CLDN10: variants seen among roughly 807,000 people sequenced by gnomAD.
CLDN10 encodes the protein claudin 10.
Under a neutral mutation model 22.9 loss-of-function variants are expected in CLDN10, and 15 were observed. The observed-to-expected ratio is 0.65, with a 90% CI of 0.44 to 1.01. The LOEUF (loss-of-function observed/expected upper bound fraction) is 1.01, where lower values mean the gene tolerates loss of function less well. Among genes scored for constraint, CLDN10 ranks in the 50% least tolerant of loss-of-function variants. The pLI is 0.00. For missense variants in CLDN10, 247 were observed against 287.8 expected, an observed-to-expected ratio of 0.86 and a Z score of 1.03; for synonymous variants, 114 against 111.4, an observed-to-expected ratio of 1.02 and a Z score of -0.15.
chr13:95,478,182 C>G (rs919877883), intron 1 of CLDN10, among the ~76,000 whole-genome samples: 7 of 152,104 alleles, frequency 4.6e-5, no homozygotes, highest in Admixed American at 3.3e-4. Context: ...GTGGTGCATG[C>G]CTGTAGTCCC....
intron 1 of CLDN10, among the ~76,000 whole-genome samples, chr13:95,558,002 T>C (rs1371556663): frequency 6.6e-6 from 1 of 152,162 alleles, no homozygotes; most frequent in East Asian, 1.9e-4. Flanking sequence ...TGGAAGTAAC[T>C]AAAGGCAATG....
intron 1 of CLDN10, among the ~76,000 whole-genome samples, chr13:95,480,852 A>G (rs1192832055): frequency 6.6e-6 from 1 of 152,234 alleles, no homozygotes; most frequent in African/African-American, 2.4e-5. Flanking sequence ...GAAGTTATCT[A>G]TCAAGTGAAT....
At chr13:95,458,898 G>A (rs2139086730) in intron 1 of CLDN10, among the ~76,000 whole-genome samples, 1 of 152,306 alleles carries the variant, frequency 6.6e-6, no homozygotes, top group South Asian at 2.1e-4. Flanking sequence ...CTATGAGCCT[G>A]TAAAATCAAA....
intron 3 of CLDN10, among the ~76,000 whole-genome samples, chr13:95,565,166 G>C (rs2043768676): frequency 6.6e-6 from 1 of 151,588 alleles, no homozygotes; most frequent in South Asian, 2.1e-4. Flanking sequence ...TCTAGTAATG[G>C]GTACTCCTTA....
chr13:95,460,310 C>G (rs906108420), intron 1 of CLDN10, among the ~76,000 whole-genome samples: 1 of 152,300 alleles, frequency 6.6e-6, no homozygotes, highest in East Asian at 1.9e-4. Context: ...TTACAGGTAT[C>G]TTTATAGCAG....
chr13:95,565,397 T>G (rs1371889448), intron 3 of CLDN10, among the ~76,000 whole-genome samples: 1 of 152,204 alleles, frequency 6.6e-6, no homozygotes, highest in African/African-American at 2.4e-5. Context: ...ATTGTTGTCT[T>G]AGACTTATTC....
At chr13:95,569,565 C>T (rs995718446) in intron 3 of CLDN10, among the ~76,000 whole-genome samples, 1 of 151,912 alleles carries the variant, frequency 6.6e-6, no homozygotes, top group African/African-American at 2.4e-5. Context: ...GCCTGGGCAA[C>T]AGAGGGAGTG....
At chr13:95,433,814 A>G in exon 1 of CLDN10, 5 of 1,612,864 alleles carry the variant, frequency 3.1e-6, no homozygotes, top group Non-Finnish European at 2.5e-6. Context: ...GGACAGTGTC[A>G]CTGGAGAAGG....
intron 1 of CLDN10, among the ~76,000 whole-genome samples, chr13:95,437,521 T>C (rs2042283520): frequency 6.6e-6 from 1 of 152,176 alleles, no homozygotes; most frequent in Non-Finnish European, 1.5e-5. Flanking sequence ...CCAAGAAGCA[T>C]GGCTGCAGTG....
chr13:95,504,785 A>G (rs537516297), intron 1 of CLDN10, among the ~76,000 whole-genome samples: 2 of 151,774 alleles, frequency 1.3e-5, no homozygotes, highest in Admixed American at 6.6e-5. Context: ...TGATCCCCCC[A>G]CCTCAGCCTC....
rs143780464 is a variant in CLDN10 at position 95,487,017 on chromosome 13, G to A, written c.214+52970G>A. Among the ~76,000 whole-genome samples the A allele has an allele frequency of 3.5e-3, 538 of 152,284 alleles. 3 individuals are homozygous for A. The highest frequency in any genetic ancestry group is 0.012 in the East Asian group (62 of 5,184). The stretch of plus-strand genomic sequence containing the variant: ...TGCTATCGTCTTTGTGTTGTGTTTC[G>A]CACGGATTTGAACTGTCCGTGTCCA... On this transcript the variant is annotated intron_variant, in intron 1 of 4. Coordinates refer to the CLDN10 transcript ENST00000376873.
intron 1 of CLDN10, among the ~76,000 whole-genome samples, chr13:95,518,669 A>T (rs1313565476): frequency 6.6e-6 from 1 of 152,112 alleles, no homozygotes; most frequent in African/African-American, 2.4e-5. Context: ...TGAGACACAA[A>T]AATTGCTTGA....
chr13:95,552,585 A>C, upstream of CLDN10: 5 of 709,288 alleles, frequency 7.0e-6, no homozygotes, highest in Non-Finnish European at 8.3e-6. Flanking sequence ...GGGACAGGGC[A>C]TGGGTGTGAG....
intron 1 of CLDN10, among the ~76,000 whole-genome samples, chr13:95,475,153 CGGATCAGA>C (rs3049448): frequency 0.45 from 68,568 of 151,466 alleles, 15,513 homozygotes; most frequent in Middle Eastern, 0.52. Flanking sequence ...TCCCACAACT[CGGATCAGA>C]GGATCAGACG....
chr13:95,512,755 G>C (rs552771720), intron 1 of CLDN10, among the ~76,000 whole-genome samples: 1 of 152,162 alleles, frequency 6.6e-6, no homozygotes, highest in African/African-American at 2.4e-5. Flanking sequence ...AACCCTATAG[G>C]CTTCCTTAGG....
chr13:95,444,419 T>G (rs2042352820), intron 1 of CLDN10, among the ~76,000 whole-genome samples: 1 of 152,234 alleles, frequency 6.6e-6, no homozygotes, highest in South Asian at 2.1e-4. Context: ...GGCAAATCAT[T>G]CAGCAGATTC....
At chr13:95,550,296 AG>A (rs1334327192), upstream of CLDN10, among the ~76,000 whole-genome samples, 3 of 152,358 alleles carry the variant, frequency 2.0e-5, no homozygotes, top group East Asian at 3.9e-4. Context: ...CATTCTTCAA[AG>A]TTCTTTCTTT....
At chr13:95,475,626 G>C (rs2042678132) in intron 1 of CLDN10, among the ~76,000 whole-genome samples, 1 of 152,150 alleles carries the variant, frequency 6.6e-6, no homozygotes, top group Non-Finnish European at 1.5e-5. Flanking sequence ...CCCTGGTGAG[G>C]GTGACTGGCT....
At chr13:95,433,759 T>G in exon 1 of CLDN10, 1 of 1,487,362 alleles carries the variant, frequency 6.7e-7, no homozygotes, top group Non-Finnish European at 9.3e-7. Context: ...CTTGTCAAAG[T>G]GTTCTCTATC....
Sources: gnomAD v4.1 joint callset for allele counts (sites outside exome capture counted in the v4.1 genomes callset) on GRCh38, gnomAD v4.1.1 for gene constraint, MANE v1.5 for transcripts, NCBI Gene and HGNC (gene_info 2026-07-23, HGNC 2026-07-21) for gene names.